The following OCA2 variants were observed in gnomAD, a reference collection of about 807,000 sequenced individuals.
OCA2 encodes OCA2 melanosomal transmembrane protein.
In OCA2, 77 loss-of-function variants were observed where a neutral mutation model predicts 100.2. The observed-to-expected ratio is 0.77, with a 90% confidence interval of 0.64 to 0.93. The LOEUF (loss-of-function observed/expected upper bound fraction) is 0.93. Among genes scored for constraint, OCA2 ranks in the 40% least tolerant of loss-of-function variants. The probability of loss-of-function intolerance (pLI) is 0.00; values close to 1 mark genes in which losing one functional copy is unlikely to be tolerated. For missense variants in OCA2, 1,062 were observed against 1,089.1 expected, an observed-to-expected ratio of 0.98 and a Z score of 0.35; for synonymous variants, 432 against 439.2, an observed-to-expected ratio of 0.98 and a Z score of 0.21.
chr15:28,005,826 C>G (rs2042075454), intron 9 of OCA2, among the ~76,000 whole-genome samples: 1 of 152,160 alleles, frequency 6.6e-6, no homozygotes, highest in African/African-American at 2.4e-5. Context: ...TTTAATCAGC[C>G]TACTGCACCT....
At chr15:27,988,813 T>C (rs775806527) in intron 11 of OCA2, among the ~76,000 whole-genome samples, 1 of 152,180 alleles carries the variant, frequency 6.6e-6, no homozygotes, top group Non-Finnish European at 1.5e-5. Context: ...AAGCCAGGGT[T>C]AGAGCACTGG....
At chr15:28,074,855 A>G (rs1009877893) in intron 2 of OCA2, among the ~76,000 whole-genome samples, 1 of 152,182 alleles carries the variant, frequency 6.6e-6, no homozygotes, top group Admixed American at 6.5e-5. Flanking sequence ...AAAAAAGAAT[A>G]GAGAGTTCAG....
intron 23 of OCA2, among the ~76,000 whole-genome samples, chr15:27,806,432 G>A (rs796404510): frequency 6.6e-6 from 1 of 152,194 alleles, no homozygotes; most frequent in African/African-American, 2.4e-5. Context: ...GCGAGCTTGG[G>A]GAGTAAGCAA....
At chr15:28,056,112 A>C (rs569965629) in intron 2 of OCA2, among the ~76,000 whole-genome samples, 2 of 152,082 alleles carry the variant, frequency 1.3e-5, no homozygotes, top group South Asian at 2.1e-4. Context: ...CTTGCTGTAC[A>C]AGTGCCTGCA....
intron 19 of OCA2, among the ~76,000 whole-genome samples, chr15:27,892,170 A>G (rs1239029065): frequency 6.6e-6 from 1 of 152,148 alleles, no homozygotes; most frequent in Non-Finnish European, 1.5e-5. Context: ...TACACAGAAA[A>G]TAATTCAAAA....
intron 23 of OCA2, among the ~76,000 whole-genome samples, chr15:27,794,531 C>A (rs2151143373): frequency 6.6e-6 from 1 of 152,246 alleles, no homozygotes; most frequent in Middle Eastern, 3.4e-3. Context: ...TGGGCTGAAA[C>A]CTAACGGGCC....
the OCA2 span, among the ~76,000 whole-genome samples, chr15:27,728,569 C>A: frequency 3.3e-5 from 5 of 152,314 alleles, no homozygotes; most frequent in East Asian, 3.9e-4. Flanking sequence ...GTGGATCACA[C>A]ACGTACATCA....
chr15:28,074,761 C>A (rs920630589), intron 2 of OCA2, among the ~76,000 whole-genome samples: 1 of 151,066 alleles, frequency 6.6e-6, no homozygotes, highest in African/African-American at 2.4e-5. Context: ...GCAGGAGAAT[C>A]GCTTGAACCC....
chr15:27,970,683 G>A (rs2040750309), intron 14 of OCA2, among the ~76,000 whole-genome samples: 1 of 150,536 alleles, frequency 6.6e-6, no homozygotes, highest in Non-Finnish European at 1.5e-5. Flanking sequence ...ACGCAGTACG[G>A]CAGGGAAAGC....
intron 23 of OCA2, among the ~76,000 whole-genome samples, chr15:27,788,912 T>C (rs1334284563): frequency 6.6e-6 from 1 of 152,118 alleles, no homozygotes; most frequent in Non-Finnish European, 1.5e-5. Context: ...GATTTCAATA[T>C]ACATCCTATT....
intron 19 of OCA2, among the ~76,000 whole-genome samples, chr15:27,908,494 A>G (rs1169331010): frequency 6.6e-6 from 1 of 152,220 alleles, no homozygotes; most frequent in Non-Finnish European, 1.5e-5. Context: ...AGAATCTCCA[A>G]GACCATCCTG....
intron 17 of OCA2, among the ~76,000 whole-genome samples, chr15:27,954,013 G>T (rs1306037157): frequency 1.3e-5 from 2 of 151,850 alleles, no homozygotes; most frequent in Non-Finnish European, 2.9e-5. Flanking sequence ...TACAATGTTT[G>T]ATTTTCCATT....
chr15:28,011,889 C>T (rs1198807365), intron 9 of OCA2, among the ~76,000 whole-genome samples: 1 of 150,428 alleles, frequency 6.6e-6, no homozygotes, highest in Non-Finnish European at 1.5e-5. Context: ...TGCACTCCAG[C>T]CTGGGCAACA....
At chr15:28,008,928 G>T (rs1017922888) in intron 9 of OCA2, among the ~76,000 whole-genome samples, 1 of 152,220 alleles carries the variant, frequency 6.6e-6, no homozygotes, top group African/African-American at 2.4e-5. Flanking sequence ...GCCTAAGCAT[G>T]CCTGCCTGCA....
intron 9 of OCA2, among the ~76,000 whole-genome samples, chr15:28,005,452 G>A (rs548143051): frequency 1.3e-5 from 2 of 152,120 alleles, no homozygotes; most frequent in Non-Finnish European, 2.9e-5. Context: ...CAGCAGGTGC[G>A]CTACATCCTA....
At chr15:27,983,079 T>C (rs567261731) in intron 14 of OCA2, among the ~76,000 whole-genome samples, 2 of 152,220 alleles carry the variant, frequency 1.3e-5, no homozygotes, top group Non-Finnish European at 2.9e-5. Flanking sequence ...ACAATTAATA[T>C]AACATACTAT....
At chr15:27,899,028 C>T (rs935364608) in intron 19 of OCA2, among the ~76,000 whole-genome samples, 1 of 152,038 alleles carries the variant, frequency 6.6e-6, no homozygotes. Flanking sequence ...TTAAAAATCC[C>T]CAACAAAATG....
chr15:27,824,602 C>CTCTCTCTCTCTCTCTATATATATATATA lies in OCA2; in HGVS notation c.2432+20356_2432+20357insTATATATATATATAGAGAGAGAGAGAGA. On this transcript the variant is annotated intron_variant, in intron 23 of 23. Coordinates refer to ENST00000354638, the MANE Select transcript of OCA2 (RefSeq NM_000275.3). ...TTTCTCTCTCTCTCTCTCTCTCTCT[C>CTCTCTCTCTCTCTCTATATATATATATA]TATATATATATATATATATAATATA... is the stretch of plus-strand genomic sequence containing the variant. 6.3e-3 allele frequency among the ~76,000 whole-genome samples: 300 copies of CTCTCTCTCTCTCTCTATATATATATATA among 47,424 alleles called. 5 individuals carry two copies. The highest frequency in any genetic ancestry group is 7.3e-3 in the African/African-American group (46 of 6,300). 31.1% of individuals were successfully genotyped at this position (47,424 alleles called of 152,430 possible).
chr15:27,896,508 G>C, intron 19 of OCA2: 1 of 524,404 alleles, frequency 1.9e-6, no homozygotes, highest in South Asian at 2.1e-5. Context: ...AATGTCCCTT[G>C]CTCAAAAGAA....
Sources: gnomAD v4.1 joint callset for allele counts (sites outside exome capture counted in the v4.1 genomes callset) on GRCh38, gnomAD v4.1.1 for gene constraint, MANE v1.5 for transcripts, NCBI Gene and HGNC (gene_info 2026-07-23, HGNC 2026-07-21) for gene names.